MORC4: variants seen among roughly 807,000 people sequenced by gnomAD.
The protein encoded by MORC4 is MORC family CW-type zinc finger protein 4.
Under a neutral mutation model 65.5 loss-of-function variants are expected in MORC4, and 22 were observed. The ratio of observed to expected loss-of-function variants is 0.34; its 90% confidence interval spans 0.24 to 0.48. MORC4 has a LOEUF of 0.48. MORC4 is among the 20% of genes least tolerant of loss of function. The probability of loss-of-function intolerance (pLI) is 0.99; values close to 1 mark genes in which losing one functional copy is unlikely to be tolerated. For missense variants in MORC4, 624 were observed against 703.0 expected, an observed-to-expected ratio of 0.89 and a Z score of 1.27; for synonymous variants, 267 against 255.8, an observed-to-expected ratio of 1.04 and a Z score of -0.42.
At chrX:106,990,877 A>C (rs1027351182) in intron 3 of MORC4, among the ~76,000 whole-genome samples, 2 of 111,208 alleles carry the variant, frequency 1.8e-5, no homozygotes, top group African/African-American at 3.3e-5. Flanking sequence ...CATCTCAAAA[A>C]AATTTTTTTT....
At chrX:106,981,104 A>G (rs1934731967) in intron 6 of MORC4, 85 bp from the exon 7 acceptor site, 5 of 1,096,776 alleles carry the variant, frequency 4.6e-6, no homozygotes, top group Non-Finnish European at 6.2e-6. Context: ...CTACCAACTG[A>G]TATCTATGCT....
intron 14 of MORC4, among the ~76,000 whole-genome samples, chrX:106,947,605 T>TAA (rs1263194367): frequency 0.025 from 2,334 of 93,882 alleles, 105 homozygotes; most frequent in African/African-American, 0.087. Flanking sequence ...TATATATATA[T>TAA]AAAACACACT....
At chrX:106,984,423 C>A (rs1193757583) in intron 5 of MORC4, among the ~76,000 whole-genome samples, 1 of 107,974 alleles carries the variant, frequency 9.3e-6, no homozygotes. Context: ...CACATTTTAC[C>A]AACAAAAACC....
At chrX:106,989,883 C>A (rs1350354739) in intron 3 of MORC4, among the ~76,000 whole-genome samples, 1 of 87,429 alleles carries the variant, frequency 1.1e-5, no homozygotes, top group Non-Finnish European at 2.3e-5. Flanking sequence ...AAAAAAAAAA[C>A]CCAGAAAACA....
chrX:106,981,897 T>TA (rs1934751584), intron 5 of MORC4, among the ~76,000 whole-genome samples: 1 of 111,983 alleles, frequency 8.9e-6, no homozygotes, highest in African/African-American at 3.2e-5. Flanking sequence ...TTCAGACTAA[T>TA]AAGACACTAA....
In MORC4 at chrX:106,999,824, C is replaced by T. The variant is rs1370849934; in HGVS notation, c.102+44G>A. 4 of 880,603 alleles carry T rather than the reference C, an allele frequency of 4.5e-6. No homozygotes were observed. In the Admixed American group the frequency reaches 2.7e-4, roughly 59 times the overall value. 72.6% of individuals were successfully genotyped at this position (880,603 alleles called of 1,213,427 possible). A position where few individuals can be genotyped will look rare whatever the true frequency, so the allele number is the denominator to read the frequency against. Reference sequence around the variant, plus strand: ...CCCTCCCCGCGCGCCCCCCGCAGCCCAGGGGCCCGCGCGCGCGTCCGCCCC... The same window carrying T: ...CCCTCCCCGCGCGCCCCCCGCAGCCTAGGGGCCCGCGCGCGCGTCCGCCCC... On this transcript the variant is annotated intron_variant, in intron 1 of 16. Transcript: ENST00000355610.
At chrX:106,999,836 C>T (rs1019525644) in intron 1 of MORC4, 32 bp downstream of exon 1, 18 of 856,487 alleles carry the variant, frequency 2.1e-5, no homozygotes, top group Admixed American at 7.0e-5. Context: ...GGGGCCCGCG[C>T]GCGCGTCCGC....
At chrX:106,981,762 A>G (rs1934748064) in intron 5 of MORC4, among the ~76,000 whole-genome samples, 1 of 111,831 alleles carries the variant, frequency 8.9e-6, no homozygotes, top group Non-Finnish European at 1.9e-5. Context: ...AATCAAATGG[A>G]TGTCAGCTAT....
chrX:106,955,499 G>C (rs1351252010), intron 13 of MORC4, among the ~76,000 whole-genome samples: 1 of 90,246 alleles, frequency 1.1e-5, no homozygotes, highest in Non-Finnish European at 2.2e-5. Flanking sequence ...ACATGCGACA[G>C]ACTAACATAT....
intron 12 of MORC4, 78 bp from the exon 13 acceptor site, chrX:106,956,612 G>T: frequency 1.2e-6 from 1 of 849,697 alleles, no homozygotes; most frequent in Non-Finnish European, 1.7e-6. Context: ...TGTAGATTTA[G>T]GTTATAATGT....
chrX:106,995,874 C>T (rs1431147708), intron 2 of MORC4, among the ~76,000 whole-genome samples: 3 of 112,330 alleles, frequency 2.7e-5, no homozygotes, highest in Non-Finnish European at 3.7e-5. Context: ...AACCTTTACT[C>T]GCCAAGCAGG....
intron 3 of MORC4, among the ~76,000 whole-genome samples, chrX:106,992,734 C>T (rs1484826441): frequency 8.9e-6 from 1 of 112,044 alleles, no homozygotes; most frequent in African/African-American, 3.2e-5. Context: ...ACCCCAACTC[C>T]AATACTTCTG....
rs760479375 is a variant in MORC4 at position 106,943,075 on chromosome X, G to T, written c.1816C>A (p.Pro606Thr). The change falls in exon 15 of 17, where the codon CCA becomes ACA. Residue 606 changes from proline (P) to threonine (T), a missense_variant. Physicochemically the swap from Pro to Thr is conservative, Grantham distance 38 (BLOSUM62 -1). Coordinates refer to ENST00000355610, the MANE Select transcript of MORC4 (RefSeq NM_024657.5). Reference protein sequence around the residue: ...YRRVEAPVAYPEGENSHDKSS... With the variant: ...YRRVEAPVAYTEGENSHDKSS... ...TTATCATGGCTGTTCTCCCCTTCTGGGTAGGCAACAGGTGCTTCTACCCTC... is the reference window on the plus strand; with the variant it reads ...TTATCATGGCTGTTCTCCCCTTCTGTGTAGGCAACAGGTGCTTCTACCCTC... 5.8e-6 allele frequency: 7 copies of T among 1,209,204 alleles called. No individual in the cohort carries two copies. The East Asian group carries it at 2.1e-4, about 36-fold the overall frequency.
At chrX:106,977,940 AAC>A in intron 8 of MORC4, 138 bp downstream of exon 8, 1 of 654,570 alleles carries the variant, frequency 1.5e-6, no homozygotes, top group Admixed American at 3.2e-5. Flanking sequence ...GCTCACTGGT[AAC>A]ACAATTCCAG....
chrX:106,962,823 G>A (rs939121067), intron 9 of MORC4, among the ~76,000 whole-genome samples: 3 of 111,698 alleles, frequency 2.7e-5, no homozygotes, highest in Non-Finnish European at 3.8e-5. Context: ...TCCAACTTTC[G>A]AATTACTAAT....
Position 106,986,167 on chromosome X carries a change from G to C in MORC4, c.342C>G (p.Ser114Arg), listed in dbSNP as rs200086481. 76 of 1,204,982 alleles carry C rather than the reference G, an allele frequency of 6.3e-5. No homozygotes were observed. Among genetic ancestry groups the C allele is most frequent in the Middle Eastern group, 4.7e-4 (2 of 4,238 alleles). The change falls in exon 4 of 17, where the codon AGC (serine) becomes AGG (arginine). Residue 114 changes from serine to arginine, a missense_variant. Transcript: ENST00000355610. Reference protein sequence around the residue: ...FGFTDKVIKKSQCPIGVFGNG... With the variant: ...FGFTDKVIKKRQCPIGVFGNG... ...TACCAAAGACCCCAATGGGACACTG[G>C]CTCTTCTTTATTACTTTATCTGTAA...
chrX:106,994,994 G>C (rs1490747686), intron 2 of MORC4, among the ~76,000 whole-genome samples: 1 of 110,687 alleles, frequency 9.0e-6, no homozygotes, highest in African/African-American at 3.3e-5. Context: ...TCTTTTGTTG[G>C]GAACATTCAA....
At chrX:106,992,674 C>T (rs1438157414) in intron 3 of MORC4, among the ~76,000 whole-genome samples, 1 of 112,232 alleles carries the variant, frequency 8.9e-6, no homozygotes, top group African/African-American at 3.2e-5. Context: ...ATTTACCTTG[C>T]ATGGGGTTTG....
At chrX:106,986,501 C>T (rs1356890227) in intron 3 of MORC4, among the ~76,000 whole-genome samples, 3 of 111,597 alleles carry the variant, frequency 2.7e-5, no homozygotes, top group African/African-American at 9.8e-5. Flanking sequence ...GCTAACGTAG[C>T]TGGAGAAGGC....
Sources: gnomAD v4.1 joint callset for allele counts (sites outside exome capture counted in the v4.1 genomes callset) on GRCh38, gnomAD v4.1.1 for gene constraint, MANE v1.5 for transcripts, NCBI Gene and HGNC (gene_info 2026-07-23, HGNC 2026-07-21) for gene names.